Variants in VRK2 observed in about 807,000 individuals in gnomAD.
VRK2 encodes VRK serine/threonine kinase 2.
Under a neutral mutation model 57.6 loss-of-function variants are expected in VRK2, and 60 were observed. The ratio of observed to expected loss-of-function variants is 1.04; its 90% confidence interval spans 0.85 to 1.29. The LOEUF (loss-of-function observed/expected upper bound fraction) is 1.29, where lower values mean the gene tolerates loss of function less well. Among genes scored for constraint, VRK2 ranks in the 50% most tolerant of loss-of-function variants. The pLI, the probability that VRK2 is intolerant of heterozygous loss-of-function variation, is 0.00. For synonymous variants in VRK2, 231 were observed against 199.2 expected, an observed-to-expected ratio of 1.16 and a Z score of -1.35; for missense variants, 705 against 588.1, an observed-to-expected ratio of 1.20 and a Z score of -2.06.
At chr2:58,140,271 CAG>C (rs544264964) in intron 11 of VRK2, among the ~76,000 whole-genome samples, 1,880 of 151,934 alleles carry the variant, frequency 0.012, 33 homozygotes, top group African/African-American at 0.042. Flanking sequence ...CAGTTCTTTA[CAG>C]AAAATAAAAG....
At chr2:57,992,584 C>T (rs1407413611) in intron 1 of VRK2, among the ~76,000 whole-genome samples, 1 of 151,952 alleles carries the variant, frequency 6.6e-6, no homozygotes, top group Non-Finnish European at 1.5e-5. Flanking sequence ...GGCCGGACTG[C>T]GGACTGCAGT....
At chr2:58,000,878 T>C (rs1673069155) in intron 1 of VRK2, among the ~76,000 whole-genome samples, 1 of 152,242 alleles carries the variant, frequency 6.6e-6, no homozygotes, top group Non-Finnish European at 1.5e-5. Flanking sequence ...AAGCTGGACT[T>C]TTATTTGCTT....
At chr2:58,039,903 AT>A (rs1674393363) in intron 3 of VRK2, among the ~76,000 whole-genome samples, 1 of 151,018 alleles carries the variant, frequency 6.6e-6, no homozygotes, top group Non-Finnish European at 1.5e-5. Context: ...ATTTTTATTT[AT>A]TTTTTATTTT....
chr2:57,992,111 C>T (rs1672787311), intron 1 of VRK2, among the ~76,000 whole-genome samples: 1 of 151,890 alleles, frequency 6.6e-6, no homozygotes, highest in South Asian at 2.1e-4. Flanking sequence ...TTGTATAATC[C>T]TAAATTTCTG....
Position 57,947,892 on chromosome 2 carries a change from C to T in VRK2, c.-439+40053C>T, listed in dbSNP as rs760643385. Among the ~76,000 whole-genome samples the T allele has an allele frequency of 4.6e-5, 7 of 152,114 alleles. No individual in the cohort carries two copies. In the South Asian group the frequency reaches 6.2e-4, roughly 13 times the overall value. On this transcript the variant is annotated intron_variant, in intron 1 of 15. Coordinates refer to the VRK2 transcript ENST00000417641. Reference sequence around the variant, plus strand: ...TCCTTTTCTCTCTCTTTCTCTTCAGCGATTTCTCCACATTTGGTGTATTTT... The same window carrying T: ...TCCTTTTCTCTCTCTTTCTCTTCAGTGATTTCTCCACATTTGGTGTATTTT...
chr2:58,157,868 A>T (rs1257550013), intron 12 of VRK2, among the ~76,000 whole-genome samples: 1 of 152,204 alleles, frequency 6.6e-6, no homozygotes, highest in East Asian at 1.9e-4. Flanking sequence ...ACATAAACAA[A>T]TTGATGTGGC....
Position 58,158,909 on chromosome 2 carries a change from C to A in VRK2, c.1183-440C>A, listed in dbSNP as rs1476849221. On this transcript the variant is annotated intron_variant, in intron 12 of 12. Transcript: ENST00000340157. ...TGGCTGTGTACAGCCTCATCCTTTG[C>A]CCACTGTACAGTGGACACTTCTCAG... is the stretch of plus-strand genomic sequence containing the variant. Among the ~76,000 whole-genome samples, 5 of 152,184 alleles carry A rather than the reference C, an allele frequency of 3.3e-5. No individual in the cohort carries two copies. In the South Asian group the frequency reaches 6.2e-4, roughly 19 times the overall value.
intron 12 of VRK2, chr2:58,154,856 G>A: frequency 3.0e-6 from 2 of 670,442 alleles, no homozygotes; most frequent in Admixed American, 2.3e-5. Flanking sequence ...ACTGCATCCT[G>A]TAAATATTTA....
upstream of VRK2, among the ~76,000 whole-genome samples, chr2:58,043,265 T>C (rs537082204): frequency 3.3e-5 from 5 of 152,300 alleles, no homozygotes; most frequent in African/African-American, 1.2e-4. Context: ...AGTTCAATAA[T>C]GGCCTCAAAG....
chr2:57,992,415 G>T (rs986785969), intron 1 of VRK2, among the ~76,000 whole-genome samples: 7 of 152,226 alleles, frequency 4.6e-5, no homozygotes, highest in African/African-American at 1.4e-4. Flanking sequence ...CCAGAGTAGG[G>T]AACATGTACC....
chr2:58,027,741 A>G (rs1385313875), intron 2 of VRK2, among the ~76,000 whole-genome samples: 1 of 152,224 alleles, frequency 6.6e-6, no homozygotes, highest in Admixed American at 6.5e-5. Flanking sequence ...TAGAAAAATA[A>G]TACCAGCTCC....
At chr2:58,150,788 T>C (rs1167546306) in intron 12 of VRK2, among the ~76,000 whole-genome samples, 2 of 151,574 alleles carry the variant, frequency 1.3e-5, no homozygotes, top group East Asian at 3.9e-4. Flanking sequence ...ATGTAAGCTG[T>C]GCTTTGGCTG....
Position 58,159,406 on chromosome 2 carries a change from AAC to A in VRK2, c.1242_1243del (p.Asn414LysfsTer17), listed in dbSNP as rs757309110. The A allele has an allele frequency of 1.9e-6, 3 of 1,613,494 alleles. No homozygotes were observed. Among genetic ancestry groups the A allele is most frequent in the South Asian group, 1.1e-5 (1 of 91,024 alleles). On this transcript the variant is annotated frameshift_variant, in exon 13 of 13. Coordinates refer to ENST00000340157, the MANE Select transcript of VRK2 (RefSeq NM_006296.7). LOFTEE classifies it low-confidence loss of function (END_TRUNC). Reference protein sequence around the residue: ...QESQEPLNEVNSFPQKISYTQ... With the variant: ...QESQEPLNEVXSFPQKISYTQ... ...GTCTCAAGAACCTTTGAATGAAGTAAACAGTTTCCCACAAAAAATCAGCTATA... is the reference window on the plus strand; with the variant it reads ...GTCTCAAGAACCTTTGAATGAAGTAAAGTTTCCCACAAAAAATCAGCTATA...
At chr2:58,047,299 C>T in intron 1 of VRK2, 1 of 500,618 alleles carries the variant, frequency 2.0e-6, no homozygotes, top group Non-Finnish European at 2.6e-6. Flanking sequence ...GGTTGGAGGT[C>T]AGCCCAGGCA....
At chr2:57,942,417 C>A (rs952892732) in intron 1 of VRK2, among the ~76,000 whole-genome samples, 1 of 152,110 alleles carries the variant, frequency 6.6e-6, no homozygotes, top group Non-Finnish European at 1.5e-5. Flanking sequence ...CAGCAATTAC[C>A]TTTCTTGCAC....
rs533489386 is a variant in VRK2, at chr2:58,033,778, A to C, written c.-6+225A>C. On this transcript the variant is annotated intron_variant, in intron 3 of 15. Transcript: ENST00000417641. ...GTTTGATTCTTCAAAGAAGCTATGT[A>C]GTCTAAACTATAGGATCTTTCCTGA... The C allele has an allele frequency of 4.6e-5, 7 of 152,156 alleles. No homozygotes were observed. In the South Asian group the frequency reaches 1.2e-3, roughly 27 times the overall value. 9.4% of individuals were successfully genotyped at this position (152,156 alleles called of 1,614,324 possible).
At chr2:57,985,544 A>G (rs1672569211) in intron 1 of VRK2, among the ~76,000 whole-genome samples, 1 of 152,034 alleles carries the variant, frequency 6.6e-6, no homozygotes, top group South Asian at 2.1e-4. Flanking sequence ...ATGATATTAT[A>G]TTACATCCTT....
At chr2:58,009,822 A>G (rs1251459971) in intron 1 of VRK2, among the ~76,000 whole-genome samples, 1 of 152,038 alleles carries the variant, frequency 6.6e-6, no homozygotes, top group Non-Finnish European at 1.5e-5. Flanking sequence ...CTTACATGAG[A>G]GCATACTTTC....
chr2:58,145,040 C>G (rs74599659), intron 11 of VRK2, among the ~76,000 whole-genome samples: 10,435 of 152,006 alleles, frequency 0.069, 426 homozygotes, highest in Middle Eastern at 0.1. Flanking sequence ...TTGTGCTGTT[C>G]CTATCTTCTG....
Sources: gnomAD v4.1 joint callset for allele counts (sites outside exome capture counted in the v4.1 genomes callset) on GRCh38, gnomAD v4.1.1 for gene constraint, MANE v1.5 for transcripts, NCBI Gene and HGNC (gene_info 2026-07-23, HGNC 2026-07-21) for gene names.